The following RARB variants were observed in gnomAD, a reference collection of about 807,000 sequenced individuals.
The protein encoded by RARB is retinoic acid receptor beta, also known as HBV-activated protein.
In RARB, 17 loss-of-function variants were observed where a neutral mutation model predicts 51.9. The ratio of observed to expected loss-of-function variants is 0.33; its 90% CI spans 0.22 to 0.49. The LOEUF is 0.49. Ranked by LOEUF, RARB falls within the 20% of genes least tolerant of loss-of-function variation. The pLI, the probability that RARB is intolerant of heterozygous loss-of-function variation, is 0.99. For missense variants in RARB, 369 were observed against 550.8 expected, an observed-to-expected ratio of 0.67 and a Z score of 3.30; for synonymous variants, 215 against 195.4, an observed-to-expected ratio of 1.10 and a Z score of -0.84.
intron 4 of RARB, among the ~76,000 whole-genome samples, chr3:25,571,663 A>G (rs1473311426): frequency 3.3e-5 from 5 of 152,226 alleles, no homozygotes; most frequent in African/African-American, 1.2e-4. Context: ...AGAGGCCTGG[A>G]ACCACACGAA....
At chr3:24,876,950 T>C (rs7629624) in intron 2 of RARB, among the ~76,000 whole-genome samples, 8,904 of 152,212 alleles carry the variant, frequency 0.058, 501 homozygotes, top group East Asian at 0.2. Flanking sequence ...ATTTTATTAA[T>C]GCCAGTGCTA....
In RARB at chr3:25,414,712, T is replaced by A. The variant is rs115769273; in HGVS notation, c.179-46481T>A. On this transcript the variant is annotated intron_variant, in intron 5 of 11. Transcript: ENST00000383772. ...GTTTCATAGGTTTATTTGCCATATA[T>A]ATAATGTCTTCAGTGACATTTCTGT... Among the ~76,000 whole-genome samples the A allele has an allele frequency of 4.6e-5, 7 of 152,352 alleles. No individual in the cohort carries two copies. The South Asian group carries it at 1.4e-3, about 32-fold the overall frequency.
chr3:25,407,461 C>G (rs1707443271), intron 5 of RARB, among the ~76,000 whole-genome samples: 1 of 152,164 alleles, frequency 6.6e-6, no homozygotes, highest in Admixed American at 6.5e-5. Flanking sequence ...ATGGTAGGTT[C>G]TCAATTAAAG....
intron 3 of RARB, among the ~76,000 whole-genome samples, chr3:25,089,999 G>T (rs980409222): frequency 2.6e-5 from 4 of 152,138 alleles, no homozygotes; most frequent in Non-Finnish European, 4.4e-5. Context: ...TTCTATCCAG[G>T]TCTACTGGTG....
At position 25,362,465 on chromosome 3, in the gene RARB, C is replaced by T. The variant is rs552707182; in HGVS notation, c.179-98728C>T. 3.3e-5 allele frequency among the ~76,000 whole-genome samples: 5 copies of T among 152,280 alleles called. No homozygotes were observed. The East Asian group carries it at 9.7e-4, about 30-fold the overall frequency. ...CACTTGGCTCCCTGGCTTCAGCCCC[C>T]TTTCCAGGGGAGTGAACGGTTCTGT... On this transcript the variant is annotated intron_variant, in intron 5 of 11. Coordinates refer to the RARB transcript ENST00000383772.
At chr3:25,461,164 T>G in intron 1 of RARB, 29 bp from the exon 2 acceptor site, 1 of 1,514,300 alleles carries the variant, frequency 6.6e-7, no homozygotes, top group Non-Finnish European at 8.8e-7. Flanking sequence ...TTTTCTCTTT[T>G]TTCTCCCTCT....
Position 25,121,788 on chromosome 3 carries a change from C to T in RARB, c.-327-10373C>T, listed in dbSNP as rs142197086. Among the ~76,000 whole-genome samples the T allele has an allele frequency of 7.1e-3, 1,074 of 152,228 alleles. 8 individuals carry two copies. Among genetic ancestry groups the T allele is most frequent in the Middle Eastern group, 0.027 (8 of 294 alleles). ...TTTCTACACATTTATTAAGATTTAT[C>T]TATTGAACAGTCAACTCCTAAAAAC... is the stretch of plus-strand genomic sequence containing the variant. On this transcript the variant is annotated intron_variant, in intron 3 of 11. Coordinates refer to the RARB transcript ENST00000383772.
chr3:24,953,030 T>C (rs1017411965), intron 2 of RARB, among the ~76,000 whole-genome samples: 1 of 152,206 alleles, frequency 6.6e-6, no homozygotes, highest in East Asian at 1.9e-4. Context: ...AAAAACCCTT[T>C]GCTTGTTTAG....
chr3:25,554,157 C>T (rs1213229046), intron 3 of RARB, among the ~76,000 whole-genome samples: 2 of 149,458 alleles, frequency 1.3e-5, no homozygotes, highest in Non-Finnish European at 3.0e-5. Flanking sequence ...AGTATCTGTG[C>T]GTGGAGGTGT....
chr3:25,051,803 A>G (rs750290743), intron 2 of RARB, among the ~76,000 whole-genome samples: 4 of 152,198 alleles, frequency 2.6e-5, no homozygotes, highest in Non-Finnish European at 5.9e-5. Context: ...ATTTATGCAG[A>G]TGAGAAACTA....
chr3:25,163,878 G>A (rs1414645413), intron 4 of RARB, among the ~76,000 whole-genome samples: 2 of 152,268 alleles, frequency 1.3e-5, no homozygotes, highest in South Asian at 2.1e-4. Flanking sequence ...AAAAGAGCAT[G>A]GAATAGGAGA....
chr3:25,370,462 G>A lies in RARB; in HGVS notation c.179-90731G>A, dbSNP rs74989152. On this transcript the variant is annotated intron_variant, in intron 5 of 11. Coordinates refer to the RARB transcript ENST00000383772. ...AAATCTAAGTTGGGCCTTGAAAAAG[G>A]AGTGGGAGTTTTCTGGCTTAACTAG... Among the ~76,000 whole-genome samples the A allele has an allele frequency of 9.5e-3, 1,448 of 152,294 alleles. 32 individuals are homozygous for A. The highest frequency in any genetic ancestry group is 0.032 in the African/African-American group (1,347 of 41,556).
At chr3:25,215,459 T>TTA (rs1191032471) in intron 5 of RARB, among the ~76,000 whole-genome samples, 1 of 152,144 alleles carries the variant, frequency 6.6e-6, no homozygotes, top group Non-Finnish European at 1.5e-5. Flanking sequence ...TACTGACCAT[T>TTA]CACATAGTTG....
At chr3:25,204,027 C>A (rs563298554) in intron 5 of RARB, among the ~76,000 whole-genome samples, 10 of 152,136 alleles carry the variant, frequency 6.6e-5, no homozygotes, top group Non-Finnish European at 1.5e-4. Flanking sequence ...AGAGTGTTTT[C>A]CAACTTGGTT....
chr3:25,241,140 G>T (rs943251460), intron 5 of RARB, among the ~76,000 whole-genome samples: 2 of 152,106 alleles, frequency 1.3e-5, no homozygotes, highest in African/African-American at 4.8e-5. Flanking sequence ...AGTCTCTGAT[G>T]ACCTTCTCCA....
chr3:25,069,920 T>C (rs916466723), intron 3 of RARB, among the ~76,000 whole-genome samples: 10 of 152,220 alleles, frequency 6.6e-5, no homozygotes, highest in Non-Finnish European at 1.3e-4. Flanking sequence ...TGTAGTTTCC[T>C]AGGGCTGTCA....
chr3:25,142,852 G>A (rs1335346344), intron 4 of RARB, among the ~76,000 whole-genome samples: 1 of 152,092 alleles, frequency 6.6e-6, no homozygotes, highest in Non-Finnish European at 1.5e-5. Context: ...GGCCACTGAG[G>A]AATTGCCGTC....
intron 5 of RARB, among the ~76,000 whole-genome samples, chr3:25,229,331 A>G (rs948380308): frequency 6.6e-6 from 1 of 152,150 alleles, no homozygotes; most frequent in Non-Finnish European, 1.5e-5. Context: ...ATCTTTTACC[A>G]TATGAATTTC....
At chr3:25,152,892 C>T (rs1700313300) in intron 4 of RARB, among the ~76,000 whole-genome samples, 1 of 152,058 alleles carries the variant, frequency 6.6e-6, no homozygotes, top group African/African-American at 2.4e-5. Flanking sequence ...ATGATGCTTC[C>T]AAGAAAATCT....
Sources: gnomAD v4.1 joint callset for allele counts (sites outside exome capture counted in the v4.1 genomes callset) on GRCh38, gnomAD v4.1.1 for gene constraint, MANE v1.5 for transcripts, NCBI Gene and HGNC (gene_info 2026-07-23, HGNC 2026-07-21) for gene names.